NALF1: variants seen among roughly 807,000 people sequenced by gnomAD.
NALF1 encodes the protein family with sequence similarity 155 member A.
Under a neutral mutation model 48.4 loss-of-function variants are expected in NALF1, and 3 were observed. That is an observed-to-expected ratio of 0.06 (90% CI 0.03 to 0.16). NALF1 has a LOEUF of 0.16. NALF1 is among the 10% of genes least tolerant of loss of function. The pLI, the probability that NALF1 is intolerant of heterozygous loss-of-function variation, is 1.00. For missense variants in NALF1, 526 were observed against 571.5 expected (o/e 0.92, Z 0.81); for synonymous variants, 262 against 245.7 (o/e 1.07, Z -0.62).
rs929050691 is a variant in NALF1 at position 107,455,171 on chromosome 13, T to G, written c.916-244416A>C. On this transcript the variant is annotated intron_variant, in intron 1 of 2. Coordinates refer to ENST00000375915, the MANE Select transcript of NALF1 (RefSeq NM_001080396.3). ...CATGTAAGATGGTGCCTGCTTCCCC[T>G]TCCACTATGATTGTAAGTTTTCTGA... 2.0e-5 allele frequency among the ~76,000 whole-genome samples: 3 copies of G among 152,150 alleles called. 1 individual carries two copies. Among genetic ancestry groups the G allele is most frequent in the African/African-American group, 7.2e-5 (3 of 41,426 alleles).
chr13:107,530,136 C>T (rs1876578914), intron 1 of NALF1, among the ~76,000 whole-genome samples: 1 of 152,044 alleles, frequency 6.6e-6, no homozygotes, highest in African/African-American at 2.4e-5. Context: ...GTTCTCTCTC[C>T]ACCCTGGGAC....
chr13:107,204,095 G>A (rs1247162192), intron 2 of NALF1, among the ~76,000 whole-genome samples: 3 of 105,660 alleles, frequency 2.8e-5, no homozygotes, highest in Non-Finnish European at 6.3e-5. Flanking sequence ...AGGTGAGCTG[G>A]AGGCAGAGAG....
chr13:107,474,152 G>A (rs1201535553), intron 1 of NALF1, among the ~76,000 whole-genome samples: 9 of 152,018 alleles, frequency 5.9e-5, no homozygotes, highest in African/African-American at 1.7e-4. Flanking sequence ...TGAAATTAAG[G>A]GACAGTATAG....
chr13:107,556,152 T>C (rs1301437829), intron 1 of NALF1, among the ~76,000 whole-genome samples: 6 of 151,886 alleles, frequency 4.0e-5, no homozygotes, highest in African/African-American at 1.5e-4. Flanking sequence ...ATTTTATACA[T>C]ATAAGATCTC....
chr13:107,340,298 G>A (rs1053562716), intron 1 of NALF1, among the ~76,000 whole-genome samples: 10 of 150,796 alleles, frequency 6.6e-5, no homozygotes, highest in East Asian at 3.9e-4. Context: ...CCACCAACAC[G>A]CCCGGCTAAT....
At chr13:107,654,033 A>C (rs1460716071) in intron 1 of NALF1, among the ~76,000 whole-genome samples, 1 of 152,096 alleles carries the variant, frequency 6.6e-6, no homozygotes, top group East Asian at 1.9e-4. Flanking sequence ...GGAAATAATG[A>C]AGATCAGAGC....
intron 1 of NALF1, among the ~76,000 whole-genome samples, chr13:107,512,751 A>T (rs1010647027): frequency 1.3e-5 from 2 of 152,112 alleles, no homozygotes. Flanking sequence ...GGTCATTGTC[A>T]TGGAAAGGGG....
chr13:107,443,761 A>G (rs968344051), intron 1 of NALF1, among the ~76,000 whole-genome samples: 14 of 152,168 alleles, frequency 9.2e-5, no homozygotes, highest in Non-Finnish European at 1.9e-4. Flanking sequence ...TGATTGAAAT[A>G]AATATTTGCT....
intron 1 of NALF1, among the ~76,000 whole-genome samples, chr13:107,792,248 T>G (rs1878268229): frequency 6.6e-6 from 1 of 152,212 alleles, no homozygotes; most frequent in South Asian, 2.1e-4. Context: ...TGATGCATAT[T>G]TTTAAAATCT....
intron 1 of NALF1, among the ~76,000 whole-genome samples, chr13:107,813,704 G>A (rs1191808706): frequency 4.6e-5 from 7 of 151,850 alleles, no homozygotes; most frequent in Non-Finnish European, 4.4e-5. Context: ...TTCTGACATC[G>A]GGATGGGGCT....
chr13:107,336,072 C>A (rs1438818234), intron 1 of NALF1, among the ~76,000 whole-genome samples: 1 of 152,070 alleles, frequency 6.6e-6, no homozygotes, highest in East Asian at 1.9e-4. Flanking sequence ...CTAATATCAG[C>A]CAGTCATGGC....
intron 1 of NALF1, chr13:107,835,289 T>C (rs1185792891): frequency 1.3e-5 from 2 of 152,294 alleles, no homozygotes; most frequent in South Asian, 2.1e-4. Context: ...AGCCTTACAA[T>C]GTGTGTACTG....
At chr13:107,710,768 CACACAT>C (rs1875551208) in intron 1 of NALF1, among the ~76,000 whole-genome samples, 1 of 65,024 alleles carries the variant, frequency 1.5e-5, no homozygotes, top group Non-Finnish European at 3.5e-5. Flanking sequence ...TATATGTATA[CACACAT>C]ATGTGTGTAT....
At chr13:107,720,380 G>A (rs368259897) in intron 1 of NALF1, among the ~76,000 whole-genome samples, 3 of 151,956 alleles carry the variant, frequency 2.0e-5, no homozygotes, top group East Asian at 3.9e-4. Context: ...GCGCGGTGGC[G>A]CACACCTGTA....
intron 1 of NALF1, among the ~76,000 whole-genome samples, chr13:107,301,223 T>C (rs1057138480): frequency 1.3e-5 from 2 of 152,232 alleles, no homozygotes; most frequent in Non-Finnish European, 2.9e-5. Context: ...GTATTCCAGA[T>C]ATAGCCTGTT....
chr13:107,285,257 C>T (rs1022625763), intron 1 of NALF1, among the ~76,000 whole-genome samples: 2 of 152,202 alleles, frequency 1.3e-5, no homozygotes, highest in African/African-American at 2.4e-5. Flanking sequence ...AGAGAAGCTG[C>T]TTGCACTTTC....
chr13:107,714,250 T>A (rs1460174806), intron 1 of NALF1, among the ~76,000 whole-genome samples: 1 of 152,232 alleles, frequency 6.6e-6, no homozygotes, highest in Non-Finnish European at 1.5e-5. Flanking sequence ...ATTTGTATAA[T>A]GCTTAGAATT....
intron 1 of NALF1, among the ~76,000 whole-genome samples, chr13:107,239,449 CAGT>C (rs961546306): frequency 2.2e-4 from 33 of 152,134 alleles, no homozygotes; most frequent in African/African-American, 7.7e-4. Flanking sequence ...ATAAGGACAC[CAGT>C]CATATTGGAT....
chr13:107,215,454 G>A (rs1879852621), intron 1 of NALF1, among the ~76,000 whole-genome samples: 1 of 152,010 alleles, frequency 6.6e-6, no homozygotes, highest in Non-Finnish European at 1.5e-5. Context: ...AGAGACCAAG[G>A]AGAACCCAAG....
Sources: gnomAD v4.1 joint callset for allele counts (sites outside exome capture counted in the v4.1 genomes callset) on GRCh38, gnomAD v4.1.1 for gene constraint, MANE v1.5 for transcripts, NCBI Gene and HGNC (gene_info 2026-07-23, HGNC 2026-07-21) for gene names.